Variants in UBASH3B observed in about 807,000 individuals in gnomAD.
UBASH3B encodes the protein ubiquitin associated and SH3 domain containing B, also known as ubiquitin-associated and SH3 domain-containing protein B.
UBASH3B carries 37 observed loss-of-function variants against 83.4 expected under a neutral mutation model. The observed-to-expected ratio is 0.44, with a 90% CI of 0.34 to 0.58. The LOEUF (loss-of-function observed/expected upper bound fraction) is 0.58. UBASH3B is among the 20% of genes least tolerant of loss of function. The pLI, the probability that UBASH3B is intolerant of heterozygous loss-of-function variation, is 0.01. For missense variants in UBASH3B, 657 were observed against 827.2 expected (o/e 0.79, Z 2.52); for synonymous variants, 304 against 318.3 (o/e 0.96, Z 0.48).
chr11:122,721,453 T>C (rs1457505360), intron 1 of UBASH3B, among the ~76,000 whole-genome samples: 2 of 152,056 alleles, frequency 1.3e-5, no homozygotes, highest in Non-Finnish European at 2.9e-5. Context: ...CGTATGATGA[T>C]ATTTACCACA....
At chr11:122,772,733 C>A (rs1345222340) in intron 1 of UBASH3B, among the ~76,000 whole-genome samples, 2 of 152,172 alleles carry the variant, frequency 1.3e-5, no homozygotes, top group African/African-American at 2.4e-5. Context: ...ACTGCTGTTC[C>A]CTCCCCTGTG....
intron 1 of UBASH3B, among the ~76,000 whole-genome samples, chr11:122,678,622 G>T (rs532868061): frequency 6.6e-6 from 1 of 152,246 alleles, no homozygotes; most frequent in South Asian, 2.1e-4. Flanking sequence ...CTGCCCAGAG[G>T]CTGAAAGGTG....
intron 1 of UBASH3B, among the ~76,000 whole-genome samples, chr11:122,681,388 A>C (rs1320527846): frequency 6.6e-6 from 1 of 152,198 alleles, no homozygotes; most frequent in Non-Finnish European, 1.5e-5. Context: ...TCACAGAGGA[A>C]ATGGAGTTTT....
chr11:122,681,717 C>T (rs947818823), intron 1 of UBASH3B, among the ~76,000 whole-genome samples: 1 of 152,046 alleles, frequency 6.6e-6, no homozygotes, highest in African/African-American at 2.4e-5. Flanking sequence ...CACACACAGG[C>T]ACATGCATGC....
chr11:122,756,664 G>A (rs1830244088), intron 1 of UBASH3B, among the ~76,000 whole-genome samples: 1 of 152,168 alleles, frequency 6.6e-6, no homozygotes, highest in Non-Finnish European at 1.5e-5. Context: ...TAGACCTCAG[G>A]CAAGGAGGGC....
intron 1 of UBASH3B, among the ~76,000 whole-genome samples, chr11:122,717,378 C>G (rs1223918713): frequency 1.3e-5 from 2 of 152,188 alleles, no homozygotes; most frequent in African/African-American, 4.8e-5. Context: ...ATAATCACAT[C>G]AGAATATAGC....
chr11:122,676,248 TACA>T (rs1409966796), intron 1 of UBASH3B, among the ~76,000 whole-genome samples: 5 of 151,392 alleles, frequency 3.3e-5, no homozygotes, highest in East Asian at 2.0e-4. Flanking sequence ...ACTAAAAAAA[TACA>T]ACAACTGGCT....
chr11:122,798,766 C>T (rs536996052), intron 9 of UBASH3B, among the ~76,000 whole-genome samples, 176 bp from the exon 10 acceptor site: 24 of 150,214 alleles, frequency 1.6e-4, no homozygotes, highest in South Asian at 1.1e-3. Flanking sequence ...CTCATAGGAA[C>T]GCCGATGAGG....
At chr11:122,792,961 T>A (rs2135167903) in intron 6 of UBASH3B, among the ~76,000 whole-genome samples, 1 of 152,284 alleles carries the variant, frequency 6.6e-6, no homozygotes, top group Non-Finnish European at 1.5e-5. Flanking sequence ...ACTTCGTTTA[T>A]AAGTAGATAG....
At chr11:122,771,083 G>T (rs1860633630) in intron 1 of UBASH3B, among the ~76,000 whole-genome samples, 1 of 152,150 alleles carries the variant, frequency 6.6e-6, no homozygotes, top group Admixed American at 6.6e-5. Context: ...CCCTCATCCA[G>T]CTTTACAGTT....
In UBASH3B at chr11:122,759,080, G is replaced by A. The variant is rs1861328825; in HGVS notation, c.162-17139G>A. 6.6e-6 allele frequency among the ~76,000 whole-genome samples: 1 copy of A among 152,210 alleles called. No homozygotes were observed. The highest frequency in any genetic ancestry group is 2.4e-5 in the African/African-American group (1 of 41,462). On this transcript the variant is annotated intron_variant, in intron 1 of 13. Coordinates refer to ENST00000284273, the MANE Select transcript of UBASH3B (RefSeq NM_032873.5). The surrounding 1 kb of genome is among the most constrained non-coding windows in gnomAD (Gnocchi z 4.1). Reference sequence around the variant, plus strand: ...TCAGTCTTACAAGATTGCAGTCAAGGTGTTGGCCAGGCCGTGTTCTCACCA... The same window carrying A: ...TCAGTCTTACAAGATTGCAGTCAAGATGTTGGCCAGGCCGTGTTCTCACCA...
chr11:122,675,244 C>A (rs898807315), intron 1 of UBASH3B, among the ~76,000 whole-genome samples: 2 of 152,222 alleles, frequency 1.3e-5, no homozygotes, highest in African/African-American at 4.8e-5. Flanking sequence ...AGCTCTAGCA[C>A]CCTGACTGGC....
Position 122,809,819 on chromosome 11 carries a change from C to T in UBASH3B, c.1883C>T (p.Pro628Leu). Reference sequence around the variant, plus strand: ...GGAATATGGCAGCTGACAGATCCACCAATCCTTCCTCTTACCCATGGACCA... The same window carrying T: ...GGAATATGGCAGCTGACAGATCCACTAATCCTTCCTCTTACCCATGGACCA... ...ETGIWQLTDP[P>L]ILPLTHGPTG... is the part of the protein sequence containing the mutation. Residue 628 changes from proline to leucine, a missense_variant, in exon 14 of 14, where the codon CCA becomes CTA. Transcript: ENST00000284273. 1 of 1,614,152 alleles carries T rather than the reference C, an allele frequency of 6.2e-7. No homozygotes were observed. Among genetic ancestry groups the T allele is most frequent in the Non-Finnish European group, 8.5e-7 (1 of 1,180,002 alleles).
At chr11:122,774,832 G>A (rs976031438) in intron 1 of UBASH3B, among the ~76,000 whole-genome samples, 2 of 152,088 alleles carry the variant, frequency 1.3e-5, no homozygotes, top group Non-Finnish European at 1.5e-5. Flanking sequence ...GATGTACCAG[G>A]TGTTTTCCAC....
intron 1 of UBASH3B, among the ~76,000 whole-genome samples, chr11:122,672,057 G>T (rs1863602994): frequency 6.6e-6 from 1 of 152,086 alleles, no homozygotes. Context: ...AGATAAGGAA[G>T]ATGTTGAGGC....
At chr11:122,717,781 C>T (rs1376359144) in intron 1 of UBASH3B, among the ~76,000 whole-genome samples, 1 of 152,164 alleles carries the variant, frequency 6.6e-6, no homozygotes, top group Non-Finnish European at 1.5e-5. Flanking sequence ...GGGGCCCGGT[C>T]AACCACCAGC....
chr11:122,683,181 C>T (rs1364395152), intron 1 of UBASH3B, among the ~76,000 whole-genome samples: 5 of 147,344 alleles, frequency 3.4e-5, no homozygotes, highest in Non-Finnish European at 7.4e-5. Context: ...CCTTGGAAGT[C>T]GAGGCTGCAG....
chr11:122,720,773 C>G (rs143782573), intron 1 of UBASH3B, among the ~76,000 whole-genome samples: 54 of 152,270 alleles, frequency 3.5e-4, no homozygotes, highest in African/African-American at 1.2e-3. Flanking sequence ...TCTAATCTTT[C>G]CATGCAAAAT....
rs1238200011 is a variant in UBASH3B, at chr11:122,655,940, T to G, written c.-110T>G. 16 of 1,205,162 alleles carry G rather than the reference T, an allele frequency of 1.3e-5. No individual in the cohort carries two copies. Among genetic ancestry groups the G allele is most frequent in the African/African-American group, 1.6e-5 (1 of 62,298 alleles). 74.7% of individuals were successfully genotyped at this position (1,205,162 alleles called of 1,614,324 possible). On this transcript the variant is annotated 5_prime_UTR_variant, in exon 1 of 14. Transcript: ENST00000284273. ...CGCCGCCTCCGCTGCCGCCGCCTCC[T>G]GCCTGGCTCTGGGTCCCCGAGCCCC...
Sources: gnomAD v4.1 joint callset for allele counts (sites outside exome capture counted in the v4.1 genomes callset) on GRCh38, gnomAD v4.1.1 for gene constraint, Gnocchi (gnomAD v3.1) non-coding constraint, MANE v1.5 for transcripts, NCBI Gene and HGNC (gene_info 2026-07-23, HGNC 2026-07-21) for gene names.